XRCC5: variants seen among roughly 807,000 people sequenced by gnomAD.
XRCC5 encodes X-ray repair cross complementing 5, also known as DNA repair protein Ku80.
A neutral mutation model predicts 95.7 loss-of-function variants in XRCC5; 12 were observed. The observed-to-expected ratio is 0.13, with a 90% CI of 0.08 to 0.20. The LOEUF is 0.20. Ranked by LOEUF, XRCC5 falls within the 10% of genes least tolerant of loss-of-function variation. The pLI, the probability that XRCC5 is intolerant of heterozygous loss-of-function variation, is 1.00. For synonymous variants in XRCC5, 281 were observed against 290.3 expected (o/e 0.97, Z 0.33); for missense variants, 595 against 873.9 (o/e 0.68, Z 4.02).
intron 16 of XRCC5, among the ~76,000 whole-genome samples, chr2:216,163,575 C>CGGTGGCATGAGCCAT (rs1463158564): frequency 1.3e-5 from 2 of 152,102 alleles, no homozygotes; most frequent in African/African-American, 2.4e-5. Flanking sequence ...CTGTGAGCCA[C>CGGTGGCATGAGCCAT]GGTGGCATGA....
chr2:216,201,622 C>A (rs1689834772), intron 19 of XRCC5, among the ~76,000 whole-genome samples: 1 of 152,186 alleles, frequency 6.6e-6, no homozygotes, highest in South Asian at 2.1e-4. Context: ...ATATGTCACT[C>A]ACACACATGC....
At chr2:216,157,327 G>A (rs1027920784) in intron 14 of XRCC5, among the ~76,000 whole-genome samples, 27 of 151,610 alleles carry the variant, frequency 1.8e-4, no homozygotes, top group African/African-American at 5.8e-4. Context: ...TCTGCCTCCC[G>A]GGTTCACGCC....
rs1696546959 is a variant in XRCC5, at chr2:216,109,563, A to G, written c.21+106A>G. The G allele has an allele frequency of 9.3e-6, 14 of 1,510,948 alleles. No homozygotes were observed. The East Asian group carries it at 3.4e-4, about 37-fold the overall frequency. The allele number at this position is 1,510,948 out of a possible 1,614,324, so 93.6% of individuals were successfully genotyped here. On this transcript the variant is annotated intron_variant, in intron 1 of 20. Transcript: ENST00000392132. Reference sequence around the variant, plus strand: ...CGCGGTCAAGACAAAGAATGGGGCAAGAGAAGATCATGGTGGTGGGCTCAG... The same window carrying G: ...CGCGGTCAAGACAAAGAATGGGGCAGGAGAAGATCATGGTGGTGGGCTCAG...
chr2:216,135,494 A>G (rs1156445212), intron 10 of XRCC5, among the ~76,000 whole-genome samples: 1 of 152,136 alleles, frequency 6.6e-6, no homozygotes, highest in Admixed American at 6.5e-5. Flanking sequence ...GAGAGACAGT[A>G]TAGAGGTAGA....
chr2:216,125,939 G>A lies in XRCC5; in HGVS notation c.706G>A (p.Val236Ile), dbSNP rs760212422. Residue 236 changes from valine to isoleucine, a missense_variant, in exon 7 of 21, where the codon GTC becomes ATC. Transcript: ENST00000392132. Reference protein sequence around the residue: ...SFSESLRKLCVFKKIERHSIH... With the variant: ...SFSESLRKLCIFKKIERHSIH... ...AAGTGAGAGTCTGAGAAAACTGTGC[G>A]TCTTCAAGAAAATTGAGAGGCATTC... The A allele has an allele frequency of 2.4e-5, 39 of 1,613,446 alleles. No individual in the cohort carries two copies. The highest frequency in any genetic ancestry group is 2.8e-5 in the Non-Finnish European group (33 of 1,179,568).
intron 16 of XRCC5, among the ~76,000 whole-genome samples, chr2:216,170,974 T>C (rs1463868887): frequency 6.6e-6 from 1 of 152,234 alleles, no homozygotes; most frequent in Non-Finnish European, 1.5e-5. Flanking sequence ...TCAAGATTGC[T>C]CCTTAAGCCC....
chr2:216,114,747 A>G (rs780212991), intron 2 of XRCC5, among the ~76,000 whole-genome samples: 4 of 152,172 alleles, frequency 2.6e-5, no homozygotes, highest in East Asian at 1.9e-4. Flanking sequence ...GCAAGCTATA[A>G]TCCTTAAGGT....
At chr2:216,110,165 C>T (rs1181900555) in intron 1 of XRCC5, among the ~76,000 whole-genome samples, 3 of 152,174 alleles carry the variant, frequency 2.0e-5, no homozygotes, top group Non-Finnish European at 2.9e-5. Flanking sequence ...TTTCAGGGCC[C>T]TGGAGAACCC....
chr2:216,145,565 T>G (rs139523390), intron 13 of XRCC5, among the ~76,000 whole-genome samples: 111 of 152,328 alleles, frequency 7.3e-4, no homozygotes, highest in Non-Finnish European at 1.4e-3. Flanking sequence ...GAAATGTCAC[T>G]TTCTCATAAT....
chr2:216,122,035 C>T, intron 5 of XRCC5, 27 bp from the exon 6 acceptor site: 1 of 1,582,080 alleles, frequency 6.3e-7, no homozygotes. Context: ...GATTAGAACA[C>T]TAACTACTGT....
At position 216,137,238 on chromosome 2, in the gene XRCC5, G is replaced by C. The variant is rs368900214; in HGVS notation, c.1251+13G>C. The stretch of plus-strand genomic sequence containing the variant: ...GCATAACTATGAGGTAAAACCCAAA[G>C]TCTTAATGTTATTTTTTTTCTTCAG... On this transcript the variant is annotated intron_variant, in intron 11 of 20. Coordinates refer to ENST00000392132, the MANE Select transcript of XRCC5 (RefSeq NM_021141.4). The C allele has an allele frequency of 1.9e-5, 31 of 1,602,886 alleles. No homozygotes were observed. In the African/African-American group the frequency reaches 3.1e-4, roughly 16 times the overall value.
chr2:216,167,663 T>C (rs1252924236), intron 16 of XRCC5, among the ~76,000 whole-genome samples: 5 of 151,610 alleles, frequency 3.3e-5, no homozygotes, highest in Non-Finnish European at 5.9e-5. Context: ...ATGAATTATA[T>C]AATGAATTAT....
intron 16 of XRCC5, among the ~76,000 whole-genome samples, chr2:216,163,251 C>T (rs931014842): frequency 2.6e-5 from 4 of 151,844 alleles, no homozygotes; most frequent in Admixed American, 6.6e-5. Flanking sequence ...CCTCCCACTT[C>T]GGCCTCCCAA....
At chr2:216,197,323 T>C (rs1574436180) in intron 19 of XRCC5, among the ~76,000 whole-genome samples, 1 of 151,992 alleles carries the variant, frequency 6.6e-6, no homozygotes, top group Admixed American at 6.6e-5. Context: ...CTGATGTTAG[T>C]TGTAGTTTAA....
intron 14 of XRCC5, among the ~76,000 whole-genome samples, chr2:216,155,486 C>T (rs1228229792): frequency 5.3e-5 from 8 of 151,666 alleles, no homozygotes; most frequent in Admixed American, 4.6e-4. Flanking sequence ...TAGATGATAC[C>T]AGTTGTTGGT....
At chr2:216,141,535 C>CTTT (rs1697168944) in intron 13 of XRCC5, among the ~76,000 whole-genome samples, 1 of 54,230 alleles carries the variant, frequency 1.8e-5, no homozygotes, top group African/African-American at 7.6e-5. Flanking sequence ...TGCTTTCTTT[C>CTTT]TTTTCTTTTT....
intron 13 of XRCC5, among the ~76,000 whole-genome samples, chr2:216,146,057 C>G (rs914878426): frequency 2.6e-5 from 4 of 152,124 alleles, no homozygotes; most frequent in East Asian, 1.9e-4. Context: ...TTTGGATTTG[C>G]TTAAACAGTT....
intron 13 of XRCC5, among the ~76,000 whole-genome samples, chr2:216,147,876 T>C (rs1688668875): frequency 6.6e-6 from 1 of 152,198 alleles, no homozygotes; most frequent in Non-Finnish European, 1.5e-5. Flanking sequence ...GTTGCTAGGC[T>C]TGGATCTATT....
intron 14 of XRCC5, among the ~76,000 whole-genome samples, chr2:216,159,822 G>A (rs1688915291): frequency 6.6e-6 from 1 of 152,204 alleles, no homozygotes; most frequent in Non-Finnish European, 1.5e-5. Flanking sequence ...TCATACTGCT[G>A]TGAAACAAAG....
Sources: allele counts gnomAD v4.1 joint callset (sites outside exome capture counted in the v4.1 genomes callset), GRCh38; gene constraint gnomAD v4.1.1; transcripts MANE v1.5; gene names NCBI Gene and HGNC (gene_info 2026-07-23, HGNC 2026-07-21).